The following RSPO3 variants were observed in gnomAD, a reference collection of about 807,000 sequenced individuals.
RSPO3 encodes R-spondin-3.
RSPO3 carries 17 observed loss-of-function variants against 36.5 expected under a neutral mutation model. The observed-to-expected ratio is 0.47, with a 90% CI of 0.32 to 0.70. The LOEUF is 0.70. Among genes scored for constraint, RSPO3 ranks in the 30% least tolerant of loss-of-function variants. RSPO3 has a pLI of 0.04. For synonymous variants in RSPO3, 108 were observed against 107.0 expected (o/e 1.01, Z -0.06); for missense variants, 294 against 322.5 (o/e 0.91, Z 0.68).
At chr6:127,126,651 T>C (rs1773944498) in intron 1 of RSPO3, among the ~76,000 whole-genome samples, 1 of 152,072 alleles carries the variant, frequency 6.6e-6, no homozygotes, top group Non-Finnish European at 1.5e-5. Context: ...GGTATAAAAA[T>C]AAAATTTTGA....
chr6:127,131,303 C>A (rs1171989813), intron 1 of RSPO3, among the ~76,000 whole-genome samples: 1 of 152,106 alleles, frequency 6.6e-6, no homozygotes, highest in East Asian at 1.9e-4. Context: ...CAAACAATTT[C>A]ATGCTATAAC....
At chr6:127,171,893 T>G (rs764695099) in intron 4 of RSPO3, among the ~76,000 whole-genome samples, 1 of 151,672 alleles carries the variant, frequency 6.6e-6, no homozygotes. Context: ...CATTTATAAT[T>G]AATATTAATA....
intron 1 of RSPO3, 91 bp downstream of exon 1, chr6:127,119,380 G>C: frequency 1.1e-6 from 1 of 902,428 alleles, no homozygotes; most frequent in Non-Finnish European, 1.8e-6. Flanking sequence ...CCCAACTGCA[G>C]CGGTCCTCCC....
chr6:127,121,258 C>T (rs1367194921), intron 1 of RSPO3, among the ~76,000 whole-genome samples: 1 of 152,180 alleles, frequency 6.6e-6, no homozygotes, highest in Non-Finnish European at 1.5e-5. Flanking sequence ...CCCACCTCCC[C>T]CAGCGAGGAC....
chr6:127,143,308 TGTG>T (rs1562243393), intron 1 of RSPO3, among the ~76,000 whole-genome samples: 1 of 152,030 alleles, frequency 6.6e-6, no homozygotes, highest in Non-Finnish European at 1.5e-5. Flanking sequence ...GTACAGTCAA[TGTG>T]AGCACACTTC....
chr6:127,148,544 C>A, intron 1 of RSPO3, 104 bp from the exon 2 acceptor site: 1 of 833,016 alleles, frequency 1.2e-6, no homozygotes, highest in Non-Finnish European at 1.7e-6. Context: ...CCATTACCAA[C>A]AAATTGAAAG....
chr6:127,152,721 T>C (rs1562245843), intron 3 of RSPO3, among the ~76,000 whole-genome samples: 1 of 152,104 alleles, frequency 6.6e-6, no homozygotes, highest in Non-Finnish European at 1.5e-5. Context: ...TATGTCACAG[T>C]GTATCTGCTT....
At chr6:127,177,830 G>C (rs897130868) in intron 4 of RSPO3, among the ~76,000 whole-genome samples, 1 of 151,556 alleles carries the variant, frequency 6.6e-6, no homozygotes, top group Non-Finnish European at 1.5e-5. Flanking sequence ...TGCTCTTCAG[G>C]GAAGGGAGTC....
chr6:127,155,943 T>C (rs1289992867), intron 4 of RSPO3, among the ~76,000 whole-genome samples: 2 of 151,886 alleles, frequency 1.3e-5, no homozygotes, highest in African/African-American at 4.8e-5. Context: ...CATTCTGTCA[T>C]CCAGGCTGTA....
chr6:127,144,259 C>T (rs1774335586), intron 1 of RSPO3, among the ~76,000 whole-genome samples: 1 of 152,154 alleles, frequency 6.6e-6, no homozygotes, highest in South Asian at 2.1e-4. Context: ...TTTAAAGTTT[C>T]CATGAATTCT....
At chr6:127,186,540 T>C (rs1052081542) in intron 4 of RSPO3, among the ~76,000 whole-genome samples, 4 of 152,056 alleles carry the variant, frequency 2.6e-5, no homozygotes, top group African/African-American at 9.7e-5. Context: ...ATATGTGTTA[T>C]TGGGGCTGGG....
At chr6:127,189,924 TTG>T (rs774714652) in intron 4 of RSPO3, among the ~76,000 whole-genome samples, 1 of 152,158 alleles carries the variant, frequency 6.6e-6, no homozygotes, top group Non-Finnish European at 1.5e-5. Flanking sequence ...TTTACTATAT[TTG>T]TTGTAAATTC....
chr6:127,172,855 C>T (rs1774968434), intron 4 of RSPO3, among the ~76,000 whole-genome samples: 1 of 151,772 alleles, frequency 6.6e-6, no homozygotes. Flanking sequence ...CCAGGACTCA[C>T]ACTCAGACCT....
At chr6:127,136,574 T>C (rs1774160718) in intron 1 of RSPO3, among the ~76,000 whole-genome samples, 1 of 152,184 alleles carries the variant, frequency 6.6e-6, no homozygotes, top group Non-Finnish European at 1.5e-5. Flanking sequence ...TCTTATTTGA[T>C]TTTTTTCTCA....
intron 4 of RSPO3, among the ~76,000 whole-genome samples, chr6:127,164,550 G>A (rs1774776005): frequency 6.6e-6 from 1 of 151,592 alleles, no homozygotes; most frequent in African/African-American, 2.4e-5. Flanking sequence ...TTTTTTTTGG[G>A]AGTAAACTGG....
chr6:127,154,266 G>A (rs1774549110), intron 3 of RSPO3, among the ~76,000 whole-genome samples: 1 of 152,164 alleles, frequency 6.6e-6, no homozygotes, highest in South Asian at 2.1e-4. Context: ...TCATCTGAAA[G>A]AGTTACTGTT....
chr6:127,156,050 G>A (rs1045590889), intron 4 of RSPO3, among the ~76,000 whole-genome samples: 1 of 152,084 alleles, frequency 6.6e-6, no homozygotes, highest in African/African-American at 2.4e-5. Flanking sequence ...TTACAAGCGT[G>A]AGCCGCCATA....
At chr6:127,139,620 A>G (rs1774229856) in intron 1 of RSPO3, among the ~76,000 whole-genome samples, 2 of 152,156 alleles carry the variant, frequency 1.3e-5, no homozygotes, top group Non-Finnish European at 2.9e-5. Context: ...CTTAAAAAAA[A>G]ATGGAATGCT....
Position 127,197,513 on chromosome 6 carries a change from T to G in RSPO3, c.*1506T>G. On this transcript the variant is annotated 3_prime_UTR_variant, in exon 5 of 5. Transcript: ENST00000356698. ...TTGCAGGAGGAGGTATCTCTGAGTG[T>G]GCAGCACAGAATCGCATGACCCACC... The G allele has an allele frequency of 6.4e-7, 1 of 1,550,532 alleles. No homozygotes were observed. The highest frequency in any genetic ancestry group is 8.7e-7 in the Non-Finnish European group (1 of 1,146,950).
Sources: allele counts gnomAD v4.1 joint callset (sites outside exome capture counted in the v4.1 genomes callset), GRCh38; gene constraint gnomAD v4.1.1; transcripts MANE v1.5; gene names NCBI Gene and HGNC (gene_info 2026-07-23, HGNC 2026-07-21).